The following STYX variants were observed in gnomAD, a reference collection of about 807,000 sequenced individuals.
STYX encodes serine/threonine/tyrosine interacting protein.
A neutral mutation model predicts 42.7 loss-of-function variants in STYX; 20 were observed. The observed-to-expected ratio is 0.47, with a 90% CI of 0.33 to 0.68. The LOEUF is 0.68. Ranked by LOEUF, STYX falls within the 30% of genes least tolerant of loss-of-function variation. STYX has a pLI of 0.02. For missense variants in STYX, 226 were observed against 268.5 expected (o/e 0.84, Z 1.11); for synonymous variants, 78 against 81.9 (o/e 0.95, Z 0.26).
chr14:52,745,048 G>A (rs1408899853), intron 2 of STYX, among the ~76,000 whole-genome samples, 164 bp downstream of exon 2: 5 of 151,532 alleles, frequency 3.3e-5, no homozygotes, highest in African/African-American at 4.8e-5. Flanking sequence ...ATCTTAAAAC[G>A]ATGGGAAATT....
intron 8 of STYX, among the ~76,000 whole-genome samples, chr14:52,759,438 A>T (rs1449105478): frequency 1.3e-5 from 2 of 152,190 alleles, no homozygotes; most frequent in African/African-American, 4.8e-5. Flanking sequence ...CTTACCTCCT[A>T]TTCATAGTAG....
intron 4 of STYX, 79 bp from the exon 5 acceptor site, chr14:52,756,472 A>G: frequency 1.2e-6 from 1 of 831,164 alleles, no homozygotes; most frequent in Non-Finnish European, 1.9e-6. Context: ...ATGGTTAACA[A>G]GAAATAATGA....
Position 52,757,336 on chromosome 14 carries a change from T to C in STYX, c.321T>C (p.Asp107=), listed in dbSNP as rs1046286567. 6.2e-7 allele frequency: 1 copy of C among 1,607,438 alleles called. No homozygotes were observed. Among genetic ancestry groups the C allele is most frequent in the African/African-American group, 1.3e-5 (1 of 74,932 alleles). Residue 107 remains aspartate, a synonymous_variant, in exon 6 of 11, where the codon GAT becomes GAC. Coordinates refer to ENST00000354586, the MANE Select transcript of STYX (RefSeq NM_145251.4). ...GCCTCCAGACTAAGGAATTTATTGATGGGAGCTTACAAATGGGAGGTAAAT... is the reference window on the plus strand; with the variant it reads ...GCCTCCAGACTAAGGAATTTATTGACGGGAGCTTACAAATGGGAGGTAAAT... ...RFFPMTKEFI[D]GSLQMGGKVL...
At chr14:52,754,875 CT>C (rs1881788088) in intron 4 of STYX, among the ~76,000 whole-genome samples, 1 of 152,166 alleles carries the variant, frequency 6.6e-6, no homozygotes. Flanking sequence ...TCTCCTTAAA[CT>C]TTTACAATAC....
chr14:52,753,341 G>A (rs1360766743), intron 4 of STYX, among the ~76,000 whole-genome samples: 2 of 151,090 alleles, frequency 1.3e-5, no homozygotes, highest in African/African-American at 4.9e-5. Context: ...GTGAGCCACC[G>A]CACCTGGCCT....
At chr14:52,756,420 C>T (rs1881869122) in intron 4 of STYX, 131 bp from the exon 5 acceptor site, 1 of 570,552 alleles carries the variant, frequency 1.8e-6, no homozygotes, top group Non-Finnish European at 3.1e-6. Flanking sequence ...CCACACAGTT[C>T]TTGGGAATAT....
chr14:52,748,835 G>A (rs1297049511), intron 3 of STYX, among the ~76,000 whole-genome samples: 1 of 152,152 alleles, frequency 6.6e-6, no homozygotes, highest in Non-Finnish European at 1.5e-5. Context: ...TGAATTTGTT[G>A]TGGAAATTGG....
At position 52,771,338 on chromosome 14, in the gene STYX, C is replaced by T. The variant is rs1882504227; in HGVS notation, c.*232C>T. The T allele has an allele frequency of 1.1e-5, 4 of 375,780 alleles. No homozygotes were observed. Among genetic ancestry groups the T allele is most frequent in the South Asian group, 7.9e-5 (1 of 12,690 alleles). 23.3% of individuals were successfully genotyped at this position (375,780 alleles called of 1,614,324 possible). A position where few individuals can be genotyped will look rare whatever the true frequency, so the allele number is the denominator to read the frequency against. On this transcript the variant is annotated 3_prime_UTR_variant, in exon 11 of 11. Transcript: ENST00000354586. Reference sequence around the variant, plus strand: ...TTAAAAACACATGCGCGCGCACACACACATGCTTTACAAGTTTTATTATAA... The same window carrying T: ...TTAAAAACACATGCGCGCGCACACATACATGCTTTACAAGTTTTATTATAA...
At chr14:52,733,871 C>T (rs964752779) in intron 1 of STYX, among the ~76,000 whole-genome samples, 2 of 152,190 alleles carry the variant, frequency 1.3e-5, no homozygotes, top group African/African-American at 4.8e-5. Flanking sequence ...AAAGTACACT[C>T]CACAGTGTGG....
At chr14:52,746,669 C>A (rs189727064) in intron 3 of STYX, among the ~76,000 whole-genome samples, 190 bp downstream of exon 3, 2 of 152,142 alleles carry the variant, frequency 1.3e-5, no homozygotes, top group Non-Finnish European at 2.9e-5. Flanking sequence ...TGTTTCACCA[C>A]AAATCAGAGT....
intron 1 of STYX, among the ~76,000 whole-genome samples, chr14:52,739,759 A>G (rs891718812): frequency 6.8e-6 from 1 of 146,910 alleles, no homozygotes; most frequent in Non-Finnish European, 1.5e-5. Context: ...TTCCTGCCTC[A>G]GCCTCCCAAG....
intron 9 of STYX, among the ~76,000 whole-genome samples, chr14:52,767,119 G>A (rs1459288137): frequency 1.3e-5 from 2 of 152,160 alleles, no homozygotes; most frequent in African/African-American, 4.8e-5. Flanking sequence ...GGTCAGAAAT[G>A]GGCTTACTGA....
chr14:52,758,531 T>C (rs186717569), intron 8 of STYX, among the ~76,000 whole-genome samples: 2 of 152,316 alleles, frequency 1.3e-5, no homozygotes, highest in African/African-American at 4.8e-5. Flanking sequence ...TGGATAACTT[T>C]GCTTAAAAAT....
chr14:52,743,145 T>TAGGGAAA (rs1049114669), intron 1 of STYX, among the ~76,000 whole-genome samples: 1 of 151,974 alleles, frequency 6.6e-6, no homozygotes, highest in Non-Finnish European at 1.5e-5. Context: ...TCTACTACTA[T>TAGGGAAA]ATTGCTGAGA....
At chr14:52,747,928 G>T (rs1161451122) in intron 3 of STYX, among the ~76,000 whole-genome samples, 1 of 152,204 alleles carries the variant, frequency 6.6e-6, no homozygotes, top group African/African-American at 2.4e-5. Flanking sequence ...GGAGGTAGAA[G>T]TTGCAGTGAG....
In STYX at chr14:52,731,126, G is replaced by A. The variant is rs150050990; in HGVS notation, c.57+595G>A. Among the ~76,000 whole-genome samples, 264 of 152,214 alleles carry A rather than the reference G, an allele frequency of 1.7e-3. 1 individual carries two copies. Among genetic ancestry groups the A allele is most frequent in the Middle Eastern group, 6.8e-3 (2 of 294 alleles). ...AAAATACTATATACCTTTTCTCCTG[G>A]TTTCTAATTTGTGGCTATTTTTACT... On this transcript the variant is annotated intron_variant, in intron 1 of 10. Transcript: ENST00000354586.
At chr14:52,734,242 T>G (rs889213751) in intron 1 of STYX, among the ~76,000 whole-genome samples, 2 of 152,104 alleles carry the variant, frequency 1.3e-5, no homozygotes, top group Non-Finnish European at 2.9e-5. Context: ...AGTTAGGGTT[T>G]TCCCTTCAAG....
At chr14:52,745,312 G>A (rs529693262) in intron 2 of STYX, among the ~76,000 whole-genome samples, 3 of 151,990 alleles carry the variant, frequency 2.0e-5, no homozygotes, top group East Asian at 1.9e-4. Flanking sequence ...TAGAGACAGG[G>A]TTTCTCCTTG....
intron 1 of STYX, 32 bp downstream of exon 1, chr14:52,730,563 C>CCT (rs745908584): frequency 3.1e-6 from 5 of 1,608,830 alleles, no homozygotes; most frequent in Admixed American, 1.7e-5. Context: ...CACGCACAGG[C>CCT]CTCTCCCTGT....
Sources: gnomAD v4.1 joint callset for allele counts (sites outside exome capture counted in the v4.1 genomes callset) on GRCh38, gnomAD v4.1.1 for gene constraint, MANE v1.5 for transcripts, NCBI Gene and HGNC (gene_info 2026-07-23, HGNC 2026-07-21) for gene names.